The following PRELID2 variants were observed in gnomAD, a reference collection of about 807,000 sequenced individuals.
PRELID2 encodes PRELI domain containing 2, also known as PRELI domain-containing protein 2.
In PRELID2, 25 loss-of-function variants were observed where a neutral mutation model predicts 28.4. The ratio of observed to expected loss-of-function variants is 0.88; its 90% CI spans 0.64 to 1.23. The LOEUF (loss-of-function observed/expected upper bound fraction) is 1.23. Among genes scored for constraint, PRELID2 ranks in the 50% most tolerant of loss-of-function variants. The probability of loss-of-function intolerance (pLI) is 0.00; values close to 1 mark genes in which losing one functional copy is unlikely to be tolerated. For missense variants in PRELID2, 201 were observed against 214.4 expected, an observed-to-expected ratio of 0.94 and a Z score of 0.39; for synonymous variants, 76 against 71.6, an observed-to-expected ratio of 1.06 and a Z score of -0.31.
the PRELID2 span, among the ~76,000 whole-genome samples, chr5:145,408,447 GTATAATA>G: frequency 7.3e-4 from 104 of 142,530 alleles, no homozygotes; most frequent in African/African-American, 2.7e-3. Context: ...ACATATATAT[GTATAATA>G]TATATGTATA....
chr5:145,446,357 G>T, the PRELID2 span, among the ~76,000 whole-genome samples: 1 of 152,054 alleles, frequency 6.6e-6, no homozygotes, highest in Non-Finnish European at 1.5e-5. Flanking sequence ...AAAAGTGACG[G>T]GTTGGGGAGA....
chr5:145,630,762 AC>A, intron 1 of PRELID2, among the ~76,000 whole-genome samples: 1 of 152,214 alleles, frequency 6.6e-6, no homozygotes, highest in African/African-American at 2.4e-5. Flanking sequence ...AAGTATGTGC[AC>A]CTAAGACTGA....
chr5:145,396,487 T>TA, the PRELID2 span, among the ~76,000 whole-genome samples: 2,389 of 128,920 alleles, frequency 0.019, 35 homozygotes, highest in Non-Finnish European at 0.024. Context: ...TCACAGATTG[T>TA]AAAAAAAAAA....
Position 145,820,064 on chromosome 5 carries a change from TTC to T in PRELID2, c.134-48_134-47del, listed in dbSNP as rs746184935. 7 of 1,182,580 alleles carry T rather than the reference TTC, an allele frequency of 5.9e-6. No individual in the cohort carries two copies. The African/African-American group carries it at 1.1e-4, about 18-fold the overall frequency. The allele number at this position is 1,182,580 out of a possible 1,614,324, so 73.3% of individuals were successfully genotyped here. A position where few individuals can be genotyped will look rare whatever the true frequency, so the allele number is the denominator to read the frequency against. On this transcript the variant is annotated intron_variant, in intron 2 of 6. Transcript: ENST00000683046. Reference sequence around the variant, plus strand: ...CACAAAAAAAAATTAAAGAAATGTGTTCTTTTCTTAGTGTCAATAAATCTTGC... The same window carrying T: ...CACAAAAAAAAATTAAAGAAATGTGTTTTTCTTAGTGTCAATAAATCTTGC...
At chr5:145,737,141 C>T (rs1254167968) in intron 1 of PRELID2, among the ~76,000 whole-genome samples, 1 of 151,996 alleles carries the variant, frequency 6.6e-6, no homozygotes, top group Non-Finnish European at 1.5e-5. Flanking sequence ...TCTTACTTTA[C>T]AAATTTATTC....
At chr5:145,256,984 T>C in the PRELID2 span, among the ~76,000 whole-genome samples, 4 of 152,046 alleles carry the variant, frequency 2.6e-5, no homozygotes, top group South Asian at 8.3e-4. Context: ...GAAGTGTTTT[T>C]AAAAAGTTTC....
At chr5:145,621,296 T>C (rs1753770523) in intron 1 of PRELID2, among the ~76,000 whole-genome samples, 1 of 151,358 alleles carries the variant, frequency 6.6e-6, no homozygotes, top group South Asian at 2.1e-4. Context: ...CTAGCAAAGA[T>C]ATTGAGAAAT....
At chr5:145,397,831 A>G in the PRELID2 span, among the ~76,000 whole-genome samples, 1 of 152,188 alleles carries the variant, frequency 6.6e-6, no homozygotes, top group East Asian at 1.9e-4. Flanking sequence ...TCCATGCCCT[A>G]TGGGAGCCAA....
At chr5:145,628,941 C>T (rs1009197937) in intron 1 of PRELID2, among the ~76,000 whole-genome samples, 1 of 152,114 alleles carries the variant, frequency 6.6e-6, no homozygotes, top group African/African-American at 2.4e-5. Flanking sequence ...CAGCTTGTAG[C>T]ACATACAGAA....
At chr5:145,348,319 C>T in the PRELID2 span, among the ~76,000 whole-genome samples, 193 of 152,224 alleles carry the variant, frequency 1.3e-3, 1 homozygote, top group Non-Finnish European at 1.7e-3. Context: ...TGGGCTCTTC[C>T]TTTGTTCCTA....
At chr5:145,457,099 G>A in the PRELID2 span, among the ~76,000 whole-genome samples, 1 of 152,000 alleles carries the variant, frequency 6.6e-6, no homozygotes, top group African/African-American at 2.4e-5. Context: ...TTGGAAATGG[G>A]GGTAGTGGGG....
intron 4 of PRELID2, among the ~76,000 whole-genome samples, chr5:145,797,654 A>C (rs2149819994): frequency 6.6e-6 from 1 of 152,270 alleles, no homozygotes; most frequent in Non-Finnish European, 1.5e-5. Context: ...ATTACACACA[A>C]GTCCAGAGAA....
intron 4 of PRELID2, among the ~76,000 whole-genome samples, chr5:145,806,337 A>T (rs1753506687): frequency 1.3e-5 from 2 of 152,104 alleles, no homozygotes; most frequent in African/African-American, 4.8e-5. Context: ...TTTTTGTTAA[A>T]AACACAAAAA....
At chr5:145,488,444 T>TA (rs1160285457) in intron 1 of PRELID2, among the ~76,000 whole-genome samples, 2 of 152,228 alleles carry the variant, frequency 1.3e-5, no homozygotes, top group African/African-American at 2.4e-5. Flanking sequence ...CTAGTCAATT[T>TA]ACTGTTTTTG....
the PRELID2 span, among the ~76,000 whole-genome samples, chr5:145,359,726 G>A: frequency 1.3e-5 from 2 of 152,122 alleles, no homozygotes; most frequent in African/African-American, 4.8e-5. Flanking sequence ...ACTATTATCA[G>A]AGGTTATTAC....
chr5:145,265,665 C>T, the PRELID2 span, among the ~76,000 whole-genome samples: 3 of 152,036 alleles, frequency 2.0e-5, no homozygotes, highest in East Asian at 5.8e-4. Context: ...AATAAAGCTA[C>T]AGTCAACTTA....
chr5:145,316,430 C>A, the PRELID2 span, among the ~76,000 whole-genome samples: 1 of 152,164 alleles, frequency 6.6e-6, no homozygotes, highest in Non-Finnish European at 1.5e-5. Context: ...CACCTGGGGA[C>A]TAGATTGTTA....
chr5:145,702,594 G>A (rs1251762928), intron 1 of PRELID2, among the ~76,000 whole-genome samples: 1 of 152,160 alleles, frequency 6.6e-6, no homozygotes, highest in Non-Finnish European at 1.5e-5. Flanking sequence ...AAGAGGTAAA[G>A]CAATTCAATG....
chr5:145,298,006 G>C, the PRELID2 span, among the ~76,000 whole-genome samples: 1 of 152,072 alleles, frequency 6.6e-6, no homozygotes, highest in African/African-American at 2.4e-5. Context: ...CATTCTCATG[G>C]GTAGGAAGAA....
Sources: allele counts gnomAD v4.1 joint callset (sites outside exome capture counted in the v4.1 genomes callset), GRCh38; gene constraint gnomAD v4.1.1; transcripts MANE v1.5; gene names NCBI Gene and HGNC (gene_info 2026-07-23, HGNC 2026-07-21).